TRIM24: variants seen among roughly 807,000 people sequenced by gnomAD.
The protein encoded by TRIM24 is transcription intermediary factor 1-alpha.
Under a neutral mutation model 123.9 loss-of-function variants are expected in TRIM24, and 29 were observed. The ratio of observed to expected loss-of-function variants is 0.23; its 90% confidence interval spans 0.17 to 0.32. The LOEUF is 0.32. Ranked by LOEUF, TRIM24 falls within the 10% of genes least tolerant of loss-of-function variation. TRIM24 has a pLI of 1.00. For missense variants in TRIM24, 932 were observed against 1,295.3 expected, an observed-to-expected ratio of 0.72 and a Z score of 4.31; for synonymous variants, 456 against 461.1, an observed-to-expected ratio of 0.99 and a Z score of 0.14.
Position 138,554,774 on chromosome 7 carries a change from GC to G in TRIM24, c.1340del (p.Pro447HisfsTer19). 6.2e-7 allele frequency: 1 copy of G among 1,614,194 alleles called. No individual in the cohort carries two copies. The highest frequency in any genetic ancestry group is 2.2e-5 in the East Asian group (1 of 44,884). Reference sequence around the variant, plus strand: ...ATCCTGTCGTGGAACAGAATTCACAGCCACCAAGTGGTTTATCATCAAACCA... The same window carrying G: ...ATCCTGTCGTGGAACAGAATTCACAGCACCAAGTGGTTTATCATCAAACCA... Reference protein sequence around the residue: ...QNPVVEQNSQPPSGLSSNQLS... With the variant: ...QNPVVEQNSQXPSGLSSNQLS... On this transcript the variant is annotated frameshift_variant, in exon 9 of 19. Transcript: ENST00000343526. LOFTEE classifies it high-confidence loss of function. This position sits in a 1 kb window ranked among gnomAD's most constrained non-coding sequence, Gnocchi z 4.5.
intron 15 of TRIM24, among the ~76,000 whole-genome samples, chr7:138,580,083 A>G (rs1404801819): frequency 2.0e-5 from 3 of 152,206 alleles, no homozygotes; most frequent in Non-Finnish European, 4.4e-5. Flanking sequence ...GTAAATTCTC[A>G]TACCCTATGG....
At chr7:138,491,637 C>T (rs150239276) in intron 1 of TRIM24, among the ~76,000 whole-genome samples, 1 of 152,218 alleles carries the variant, frequency 6.6e-6, no homozygotes, top group East Asian at 1.9e-4. Flanking sequence ...AATACTGCTA[C>T]GAACATTGGT....
intron 1 of TRIM24, 139 bp downstream of exon 1, chr7:138,461,051 C>A: frequency 1.1e-6 from 1 of 928,760 alleles, no homozygotes. Context: ...AGGGTCTGTG[C>A]TGGCGACGGT....
At chr7:138,465,847 A>G (rs972516581) in intron 1 of TRIM24, among the ~76,000 whole-genome samples, 1 of 152,196 alleles carries the variant, frequency 6.6e-6, no homozygotes, top group Non-Finnish European at 1.5e-5. Context: ...GTGTGGATAC[A>G]TTGTCATTTC....
rs1798038323 is a variant in TRIM24 at position 138,587,347 on chromosome 7, T to A, written c.*2396T>A. 6.6e-6 allele frequency: 1 copy of A among 152,160 alleles called. No individual in the cohort carries two copies. Among genetic ancestry groups the A allele is most frequent in the South Asian group, 2.1e-4 (1 of 4,824 alleles). 9.4% of individuals were successfully genotyped at this position (152,160 alleles called of 1,614,324 possible). A position where few individuals can be genotyped will look rare whatever the true frequency, so the allele number is the denominator to read the frequency against. On this transcript the variant is annotated 3_prime_UTR_variant, in exon 19 of 19. Transcript: ENST00000343526. ...CAGCCTGAGTGACAGAGACTCAGTCTCAAAAACAAAAAGTAAAGGTCTTGG... is the reference window on the plus strand; with the variant it reads ...CAGCCTGAGTGACAGAGACTCAGTCACAAAAACAAAAAGTAAAGGTCTTGG...
intron 10 of TRIM24, among the ~76,000 whole-genome samples, chr7:138,570,371 A>G (rs1797629201): frequency 6.6e-6 from 1 of 152,194 alleles, no homozygotes; most frequent in South Asian, 2.1e-4. Flanking sequence ...TACTTTCCTC[A>G]GATATTTATC....
intron 4 of TRIM24, among the ~76,000 whole-genome samples, chr7:138,522,759 A>G (rs1796529742): frequency 6.6e-6 from 1 of 152,194 alleles, no homozygotes; most frequent in South Asian, 2.1e-4. Context: ...CTAAAAATTG[A>G]TTAATCTGTA....
At chr7:138,543,623 A>T (rs1472742558) in intron 7 of TRIM24, among the ~76,000 whole-genome samples, 1 of 152,250 alleles carries the variant, frequency 6.6e-6, no homozygotes, top group East Asian at 1.9e-4. Context: ...AAATTTATTT[A>T]TATTTTACTA....
chr7:138,533,841 G>A (rs1796804518), intron 6 of TRIM24, among the ~76,000 whole-genome samples: 3 of 152,086 alleles, frequency 2.0e-5, no homozygotes, highest in Admixed American at 2.0e-4. Flanking sequence ...AATCCATCTG[G>A]TCCTAGACTT....
At chr7:138,472,876 T>A (rs557195486) in intron 1 of TRIM24, among the ~76,000 whole-genome samples, 343 of 151,492 alleles carry the variant, frequency 2.3e-3, no homozygotes, top group African/African-American at 3.0e-3. Flanking sequence ...CTTAAAAAAA[T>A]TTTTTTTTTA....
At chr7:138,461,290 A>G (rs966672298) in intron 1 of TRIM24, 3 of 546,242 alleles carry the variant, frequency 5.5e-6, no homozygotes, top group African/African-American at 1.9e-5. Flanking sequence ...TGCCTCCACA[A>G]AGCTTTGTCC....
chr7:138,541,260 G>A (rs1047943354), intron 7 of TRIM24, among the ~76,000 whole-genome samples: 4 of 151,970 alleles, frequency 2.6e-5, no homozygotes, highest in African/African-American at 4.8e-5. Context: ...ACCACCCTGC[G>A]CCACAGGGTG....
At chr7:138,500,599 C>T (rs1363564289) in intron 1 of TRIM24, among the ~76,000 whole-genome samples, 2 of 149,080 alleles carry the variant, frequency 1.3e-5, no homozygotes, top group Non-Finnish European at 3.0e-5. Flanking sequence ...TAAGGCCAGG[C>T]ACCATGGCTT....
intron 6 of TRIM24, among the ~76,000 whole-genome samples, chr7:138,534,749 G>C (rs1381006423): frequency 6.6e-6 from 1 of 152,154 alleles, no homozygotes; most frequent in Non-Finnish European, 1.5e-5. Flanking sequence ...GAAGAGCTGA[G>C]TTCAATTCCT....
chr7:138,526,859 A>G (rs1796621296), intron 5 of TRIM24, among the ~76,000 whole-genome samples: 1 of 152,172 alleles, frequency 6.6e-6, no homozygotes, highest in African/African-American at 2.4e-5. Flanking sequence ...AAAATTTGTA[A>G]TGAATATTTA....
At chr7:138,480,122 GA>G (rs918311020) in intron 1 of TRIM24, among the ~76,000 whole-genome samples, 41 of 53,536 alleles carry the variant, frequency 7.7e-4, no homozygotes, top group Middle Eastern at 7.9e-3. Flanking sequence ...CCCGGGCCAT[GA>G]ATTAAGTTTT....
At chr7:138,580,211 T>C (rs936032215) in intron 15 of TRIM24, among the ~76,000 whole-genome samples, 8 of 152,208 alleles carry the variant, frequency 5.3e-5, no homozygotes, top group Non-Finnish European at 1.2e-4. Flanking sequence ...ACAAGAATAG[T>C]ACAAAGAGCT....
intron 8 of TRIM24, among the ~76,000 whole-genome samples, chr7:138,553,034 G>A (rs1018388940): frequency 1.3e-5 from 2 of 152,124 alleles, no homozygotes; most frequent in African/African-American, 4.8e-5. Flanking sequence ...ATTTAAAACT[G>A]TACACACATA....
At chr7:138,474,128 CTTTTTT>C (rs71177990) in intron 1 of TRIM24, among the ~76,000 whole-genome samples, 1 of 137,250 alleles carries the variant, frequency 7.3e-6, no homozygotes, top group Non-Finnish European at 1.5e-5. Context: ...TGTACTTTTT[CTTTTTT>C]TTTTTTTTTG....
Sources: gnomAD v4.1 joint callset for allele counts (sites outside exome capture counted in the v4.1 genomes callset) on GRCh38, gnomAD v4.1.1 for gene constraint, Gnocchi (gnomAD v3.1) non-coding constraint, MANE v1.5 for transcripts, NCBI Gene and HGNC (gene_info 2026-07-23, HGNC 2026-07-21) for gene names.